Variants in OPCML observed in about 807,000 individuals in gnomAD.
OPCML encodes the protein opioid-binding protein/cell adhesion molecule.
OPCML carries 13 observed loss-of-function variants against 37.8 expected under a neutral mutation model. That is an observed-to-expected ratio of 0.34 (90% CI 0.22 to 0.55). The LOEUF (loss-of-function observed/expected upper bound fraction) is 0.55, where lower values mean the gene tolerates loss of function less well. OPCML is among the 20% of genes least tolerant of loss of function. OPCML has a pLI of 0.91. For synonymous variants in OPCML, 176 were observed against 168.8 expected, an observed-to-expected ratio of 1.04 and a Z score of -0.33; for missense variants, 341 against 435.6, an observed-to-expected ratio of 0.78 and a Z score of 1.93.
At chr11:132,769,230 T>G (rs12279424) in intron 2 of OPCML, among the ~76,000 whole-genome samples, 37,278 of 148,580 alleles carry the variant, frequency 0.25, 5,297 homozygotes, top group Non-Finnish European at 0.32. Context: ...TTTTGTTTTT[T>G]GGTTTGTTTG....
At chr11:132,822,088 G>T (rs1591655752) in intron 2 of OPCML, among the ~76,000 whole-genome samples, 1 of 152,284 alleles carries the variant, frequency 6.6e-6, no homozygotes, top group East Asian at 1.9e-4. Flanking sequence ...TCTATCCTCA[G>T]ACCAGCAAGC....
At chr11:132,529,807 A>G (rs1291276200) in intron 3 of OPCML, among the ~76,000 whole-genome samples, 2 of 152,166 alleles carry the variant, frequency 1.3e-5, no homozygotes, top group African/African-American at 2.4e-5. Context: ...TAGAGTTGGA[A>G]AATCCTGGAT....
At chr11:133,344,375 C>G (rs1943948476) in intron 1 of OPCML, among the ~76,000 whole-genome samples, 1 of 152,170 alleles carries the variant, frequency 6.6e-6, no homozygotes, top group South Asian at 2.1e-4. Context: ...CCTCCTTAAC[C>G]TACTCTTGGC....
chr11:132,930,328 C>T (rs1382995764), intron 2 of OPCML, among the ~76,000 whole-genome samples: 2 of 152,088 alleles, frequency 1.3e-5, no homozygotes, highest in South Asian at 2.1e-4. Context: ...TGTGTCACTA[C>T]ACTCCAGCCT....
chr11:132,602,312 G>A (rs147098427), intron 3 of OPCML, among the ~76,000 whole-genome samples: 53 of 152,294 alleles, frequency 3.5e-4, no homozygotes, highest in Middle Eastern at 3.4e-3. Flanking sequence ...TACAAGATGT[G>A]TTATTTTCAA....
intron 2 of OPCML, among the ~76,000 whole-genome samples, chr11:132,831,244 C>T (rs1940665042): frequency 6.6e-6 from 1 of 152,146 alleles, no homozygotes; most frequent in African/African-American, 2.4e-5. Context: ...CTCACTATCG[C>T]CCAATGAACA....
intron 3 of OPCML, among the ~76,000 whole-genome samples, chr11:132,584,436 T>G (rs1211763112): frequency 6.6e-6 from 1 of 152,226 alleles, no homozygotes; most frequent in Non-Finnish European, 1.5e-5. Flanking sequence ...TTCCTTCATT[T>G]GCACTTAAAT....
intron 1 of OPCML, among the ~76,000 whole-genome samples, chr11:133,090,207 C>A (rs1312737874): frequency 6.6e-6 from 1 of 152,086 alleles, no homozygotes; most frequent in African/African-American, 2.4e-5. Context: ...TCCATCCACT[C>A]CCTTACCTCG....
chr11:132,597,683 A>G (rs1037911335), intron 3 of OPCML, among the ~76,000 whole-genome samples: 1 of 152,216 alleles, frequency 6.6e-6, no homozygotes, highest in South Asian at 2.1e-4. Context: ...TCATCAGGGT[A>G]TAACAGGGAA....
chr11:132,535,571 C>A (rs2096338478), intron 3 of OPCML, among the ~76,000 whole-genome samples: 1 of 152,118 alleles, frequency 6.6e-6, no homozygotes, highest in South Asian at 2.1e-4. Context: ...CTAATTTGTT[C>A]TTGACAACAG....
chr11:133,025,523 T>C (rs1421318991), intron 1 of OPCML: 1 of 959,460 alleles, frequency 1.0e-6, no homozygotes, highest in East Asian at 1.2e-4. Flanking sequence ...GATTCTTCGG[T>C]TGAAAGCAAA....
At chr11:132,809,407 C>G (rs1939200569) in intron 2 of OPCML, among the ~76,000 whole-genome samples, 2 of 152,204 alleles carry the variant, frequency 1.3e-5, no homozygotes, top group African/African-American at 4.8e-5. Flanking sequence ...CAGCTCCGAG[C>G]TACAGTTACC....
At chr11:132,922,972 G>C (rs1490440774) in intron 2 of OPCML, among the ~76,000 whole-genome samples, 1 of 151,844 alleles carries the variant, frequency 6.6e-6, no homozygotes, top group Admixed American at 6.6e-5. Context: ...TCCTCCAAAG[G>C]CTGAGGTGGG....
intron 1 of OPCML, among the ~76,000 whole-genome samples, chr11:133,167,664 G>A (rs889487433): frequency 8.6e-5 from 13 of 151,616 alleles, no homozygotes; most frequent in South Asian, 6.2e-4. Context: ...AGGGTGATTC[G>A]TCCACTGTGG....
chr11:133,245,012 C>T (rs1008786082), intron 1 of OPCML, among the ~76,000 whole-genome samples: 7 of 152,226 alleles, frequency 4.6e-5, no homozygotes, highest in Non-Finnish European at 1.0e-4. Context: ...GGAGGCAGTC[C>T]ATGAGGATGT....
intron 1 of OPCML, among the ~76,000 whole-genome samples, chr11:133,164,736 A>G (rs1372477082): frequency 6.6e-6 from 1 of 152,190 alleles, no homozygotes; most frequent in Non-Finnish European, 1.5e-5. Context: ...GCTCTCCTAG[A>G]CCCAAAGTCA....
chr11:132,679,389 A>T (rs943515644), intron 2 of OPCML, among the ~76,000 whole-genome samples: 10 of 152,368 alleles, frequency 6.6e-5, no homozygotes, highest in Middle Eastern at 3.4e-3. Flanking sequence ...GTATATCCAC[A>T]TGGTGAAATA....
chr11:133,103,002 C>A (rs1190730028), intron 1 of OPCML, among the ~76,000 whole-genome samples: 3 of 152,076 alleles, frequency 2.0e-5, no homozygotes. Context: ...GGAGAGTATC[C>A]CTCTGAAGCT....
chr11:133,042,406 A>G (rs1460379633), intron 1 of OPCML, among the ~76,000 whole-genome samples: 1 of 152,220 alleles, frequency 6.6e-6, no homozygotes, highest in Non-Finnish European at 1.5e-5. Flanking sequence ...GTCTTTGGAC[A>G]GTTCTGCCGG....
Sources: allele counts gnomAD v4.1 joint callset (sites outside exome capture counted in the v4.1 genomes callset), GRCh38; gene constraint gnomAD v4.1.1; transcripts MANE v1.5; gene names NCBI Gene and HGNC (gene_info 2026-07-23, HGNC 2026-07-21).